The following GCH1 variants were observed in gnomAD, a reference collection of about 807,000 sequenced individuals.
GCH1 encodes the protein GTP cyclohydrolase 1, also known as GTP cyclohydrolase I.
Under a neutral mutation model 25.9 loss-of-function variants are expected in GCH1, and 5 were observed. The ratio of observed to expected loss-of-function variants is 0.19; its 90% CI spans 0.10 to 0.41. The LOEUF (loss-of-function observed/expected upper bound fraction) is 0.41, where lower values mean the gene tolerates loss of function less well. Ranked by LOEUF, GCH1 falls within the 10% of genes least tolerant of loss-of-function variation. The pLI is 1.00. For missense variants in GCH1, 261 were observed against 336.5 expected (o/e 0.78, Z 1.75); for synonymous variants, 159 against 129.6 (o/e 1.23, Z -1.54).
At chr14:54,871,244 GAGTGGACCTCC>G (rs1266458853) in intron 1 of GCH1, among the ~76,000 whole-genome samples, 24 of 152,208 alleles carry the variant, frequency 1.6e-4, no homozygotes, top group Non-Finnish European at 2.8e-4. Context: ...ACAGGGTCTG[GAGTGGACCTCC>G]AGCAAACTCC....
At chr14:54,848,267 G>A (rs1329464783) in intron 3 of GCH1, among the ~76,000 whole-genome samples, 1 of 151,646 alleles carries the variant, frequency 6.6e-6, no homozygotes, top group Non-Finnish European at 1.5e-5. Flanking sequence ...TTCCTGAGTA[G>A]CTGGGACTAT....
chr14:54,879,282 G>C (rs1376089899), intron 1 of GCH1, among the ~76,000 whole-genome samples: 2 of 152,004 alleles, frequency 1.3e-5, no homozygotes, highest in Non-Finnish European at 2.9e-5. Context: ...TTAGCCGGAT[G>C]TGGTGCCATG....
chr14:54,863,848 G>GTTGTTTGTTTGT (rs111635456), intron 2 of GCH1, among the ~76,000 whole-genome samples: 22,820 of 151,442 alleles, frequency 0.15, 2,343 homozygotes, highest in African/African-American at 0.29. Context: ...GGGTTTCGTT[G>GTTGTTTGTTTGT]TTGTTTGTTT....
At chr14:54,858,529 G>A (rs995650508) in intron 3 of GCH1, among the ~76,000 whole-genome samples, 14 of 151,614 alleles carry the variant, frequency 9.2e-5, no homozygotes, top group African/African-American at 3.1e-4. Flanking sequence ...CAAGTGATCC[G>A]CCCGCCTCAG....
At chr14:54,875,053 C>T (rs571060247) in intron 1 of GCH1, among the ~76,000 whole-genome samples, 117 of 152,246 alleles carry the variant, frequency 7.7e-4, no homozygotes, top group African/African-American at 2.3e-3. Context: ...GGAGGCATCA[C>T]GCTACCTGAC....
intron 1 of GCH1, among the ~76,000 whole-genome samples, chr14:54,872,316 C>T (rs1454063235): frequency 1.3e-5 from 2 of 152,034 alleles, no homozygotes; most frequent in South Asian, 2.1e-4. Context: ...TTGTCACCAC[C>T]ACGCCTGCCC....
intron 3 of GCH1, among the ~76,000 whole-genome samples, chr14:54,857,979 T>C (rs969062692): frequency 3.3e-5 from 5 of 152,146 alleles, no homozygotes; most frequent in Admixed American, 3.3e-4. Flanking sequence ...AATAGCAAAA[T>C]AGCTGAGCAG....
At chr14:54,851,951 T>C (rs371689970) in intron 3 of GCH1, among the ~76,000 whole-genome samples, 102 of 152,316 alleles carry the variant, frequency 6.7e-4, no homozygotes, top group Non-Finnish European at 1.2e-3. Context: ...CTACTCACAA[T>C]AGTAATTTTT....
At chr14:54,868,878 G>T (rs1396241668) in intron 1 of GCH1, among the ~76,000 whole-genome samples, 1 of 152,080 alleles carries the variant, frequency 6.6e-6, no homozygotes, top group Non-Finnish European at 1.5e-5. Flanking sequence ...GGGATTATGG[G>T]CGTGAGCCAC....
At chr14:54,890,976 C>G (rs1050112625) in intron 1 of GCH1, among the ~76,000 whole-genome samples, 1 of 152,188 alleles carries the variant, frequency 6.6e-6, no homozygotes, top group Non-Finnish European at 1.5e-5. Context: ...TTTGTTTCCC[C>G]TTTAACAGTG....
intron 1 of GCH1, among the ~76,000 whole-genome samples, chr14:54,870,828 A>C (rs2040063761): frequency 6.6e-6 from 1 of 152,244 alleles, no homozygotes; most frequent in South Asian, 2.1e-4. Flanking sequence ...CCGAGGCTTG[A>C]GTAGGTAAAC....
At chr14:54,869,318 C>T (rs1207902339) in intron 1 of GCH1, among the ~76,000 whole-genome samples, 4 of 152,156 alleles carry the variant, frequency 2.6e-5, no homozygotes, top group Non-Finnish European at 4.4e-5. Context: ...AGATTACAGG[C>T]GTGAGCCACC....
intron 1 of GCH1, among the ~76,000 whole-genome samples, chr14:54,875,949 G>A (rs910357716): frequency 1.3e-5 from 2 of 152,152 alleles, no homozygotes; most frequent in African/African-American, 4.8e-5. Context: ...CGATTCCTCA[G>A]GGATCTAGAA....
In GCH1 at chr14:54,880,538, A is replaced by AG. The variant is rs2040237639; in HGVS notation, c.344-15103_344-15102insC. On this transcript the variant is annotated intron_variant, in intron 1 of 5. Coordinates refer to ENST00000491895, the MANE Select transcript of GCH1 (RefSeq NM_000161.3). ...TACTCCATATATATATATATACTCC[A>AG]TATATATATATACTCCATATATATA... 1.2e-4 allele frequency among the ~76,000 whole-genome samples: 6 copies of AG among 50,928 alleles called. No homozygotes were observed. In the Admixed American group the frequency reaches 1.2e-3, roughly 10 times the overall value. The allele number at this position is 50,928 out of a possible 152,430, so 33.4% of individuals were successfully genotyped here. A position where few individuals can be genotyped will look rare whatever the true frequency, so the allele number is the denominator to read the frequency against.
intron 1 of GCH1, among the ~76,000 whole-genome samples, chr14:54,867,816 A>T (rs1037985976): frequency 6.6e-6 from 1 of 152,104 alleles, no homozygotes; most frequent in African/African-American, 2.4e-5. Context: ...AGATTGAGGG[A>T]GCTGCAAAGC....
intron 2 of GCH1, among the ~76,000 whole-genome samples, chr14:54,861,834 G>C (rs1365553999): frequency 1.3e-5 from 2 of 152,152 alleles, no homozygotes; most frequent in Non-Finnish European, 2.9e-5. Flanking sequence ...GACAGGCTGA[G>C]TACAGAATCA....
rs778122258 is a variant in GCH1, at chr14:54,847,149, T to A, written c.510-19A>T. 11 of 933,056 alleles carry A rather than the reference T, an allele frequency of 1.2e-5. No homozygotes were observed. In the East Asian group the frequency reaches 2.8e-4, roughly 24 times the overall value. The allele number at this position is 933,056 out of a possible 1,614,324, so 57.8% of individuals were successfully genotyped here. ...TACAATCCTAGAAAAGAAAGAATTG[T>A]TTTAGTTAATCACAAATCATTTGAA... On this transcript the variant is annotated intron_variant, in intron 3 of 5. Transcript: ENST00000491895.
chr14:54,875,386 G>A lies in GCH1; in HGVS notation c.344-9950C>T, dbSNP rs572017253. On this transcript the variant is annotated intron_variant, in intron 1 of 5. Transcript: ENST00000491895. Reference sequence around the variant, plus strand: ...ATAAAAACCCTAGAAGAAAACCTAGGCAATACCATTCAGGACATAGGCATG... The same window carrying A: ...ATAAAAACCCTAGAAGAAAACCTAGACAATACCATTCAGGACATAGGCATG... Among the ~76,000 whole-genome samples the A allele has an allele frequency of 5.4e-3, 817 of 152,178 alleles. 7 individuals carry two copies. Among genetic ancestry groups the A allele is most frequent in the African/African-American group, 0.018 (747 of 41,502 alleles).
At chr14:54,890,441 T>C (rs886196056) in intron 1 of GCH1, among the ~76,000 whole-genome samples, 1 of 152,156 alleles carries the variant, frequency 6.6e-6, no homozygotes, top group Admixed American at 6.5e-5. Flanking sequence ...GAGGTTGCGG[T>C]GAGACGAGAT....
Sources: gnomAD v4.1 joint callset for allele counts (sites outside exome capture counted in the v4.1 genomes callset) on GRCh38, gnomAD v4.1.1 for gene constraint, MANE v1.5 for transcripts, NCBI Gene and HGNC (gene_info 2026-07-23, HGNC 2026-07-21) for gene names.